Variants in ATP8A2 observed in about 807,000 individuals in gnomAD.
ATP8A2 encodes phospholipid-transporting ATPase IB.
ATP8A2 carries 100 observed loss-of-function variants against 165.6 expected under a neutral mutation model. That is an observed-to-expected ratio of 0.60 (90% confidence interval 0.51 to 0.71). The LOEUF (loss-of-function observed/expected upper bound fraction) is 0.71. ATP8A2 is among the 30% of genes least tolerant of loss of function. The pLI is 0.00. For missense variants in ATP8A2, 1,227 were observed against 1,479.5 expected (o/e 0.83, Z 2.80); for synonymous variants, 543 against 548.8 (o/e 0.99, Z 0.15).
chr13:25,961,479 G>T, intron 33 of ATP8A2, 96 bp from the exon 34 acceptor site: 1 of 1,070,154 alleles, frequency 9.3e-7, no homozygotes, highest in South Asian at 1.4e-5. Flanking sequence ...GCGGTCTGTT[G>T]TTTTTGTGTT....
At chr13:25,465,571 T>TG (rs1194149567) in intron 1 of ATP8A2, among the ~76,000 whole-genome samples, 1 of 151,136 alleles carries the variant, frequency 6.6e-6, no homozygotes, top group Non-Finnish European at 1.5e-5. Context: ...TTTTTTTTTT[T>TG]GTCCCAGTCT....
chr13:25,428,341 C>T (rs769611182), intron 1 of ATP8A2, among the ~76,000 whole-genome samples: 7 of 152,264 alleles, frequency 4.6e-5, no homozygotes, highest in Non-Finnish European at 8.8e-5. Context: ...ATTACCACAC[C>T]GACCACTACT....
At chr13:25,548,175 A>G (rs986377336) in intron 10 of ATP8A2, among the ~76,000 whole-genome samples, 2 of 152,168 alleles carry the variant, frequency 1.3e-5, no homozygotes, top group African/African-American at 4.8e-5. Context: ...GCAGTGATCC[A>G]TGATCACGCC....
intron 25 of ATP8A2, among the ~76,000 whole-genome samples, chr13:25,721,531 G>A (rs2043381318): frequency 6.6e-6 from 1 of 152,192 alleles, no homozygotes; most frequent in South Asian, 2.1e-4. Flanking sequence ...TGAATGCTGA[G>A]AGATAGGCCC....
intron 34 of ATP8A2, among the ~76,000 whole-genome samples, chr13:25,962,271 G>T (rs2139188216): frequency 6.6e-6 from 1 of 152,240 alleles, no homozygotes; most frequent in East Asian, 1.9e-4. Flanking sequence ...GTATAGGTAA[G>T]TCATTTAAAA....
At chr13:25,723,559 T>C (rs2043429749) in intron 25 of ATP8A2, among the ~76,000 whole-genome samples, 1 of 152,198 alleles carries the variant, frequency 6.6e-6, no homozygotes, top group African/African-American at 2.4e-5. Context: ...TTAAACATCA[T>C]CTAGCCAGAT....
chr13:25,532,361 GA>G, intron 5 of ATP8A2, 44 bp downstream of exon 5: 1 of 1,404,360 alleles, frequency 7.1e-7, no homozygotes, highest in Non-Finnish European at 1.0e-6. Flanking sequence ...GAAAACTTAA[GA>G]ATAAGGCCTG....
At chr13:25,506,418 T>G (rs944675456) in intron 2 of ATP8A2, among the ~76,000 whole-genome samples, 2 of 152,240 alleles carry the variant, frequency 1.3e-5, no homozygotes, top group Non-Finnish European at 2.9e-5. Context: ...ATGTACCATC[T>G]GGCTGGCCTC....
chr13:26,025,768 T>C lies in ATP8A2; in HGVS notation c.*5783T>C, dbSNP rs544534684. 3.3e-4 allele frequency: 50 copies of C among 152,354 alleles called. No homozygotes were observed. Among genetic ancestry groups the C allele is most frequent in the African/African-American group, 1.2e-3 (48 of 41,566 alleles). The allele number at this position is 152,354 out of a possible 1,614,324, so 9.4% of individuals were successfully genotyped here. Reference sequence around the variant, plus strand: ...GTATTTTTAGAAGTTTTGGGAGAATTTAGTGATTTGTGGCTTTGATCAATC... The same window carrying C: ...GTATTTTTAGAAGTTTTGGGAGAATCTAGTGATTTGTGGCTTTGATCAATC... On this transcript the variant is annotated 3_prime_UTR_variant, in exon 37 of 37. Transcript: ENST00000381655.
intron 1 of ATP8A2, among the ~76,000 whole-genome samples, chr13:25,398,546 C>T (rs1382047584): frequency 6.6e-6 from 1 of 152,148 alleles, no homozygotes; most frequent in Non-Finnish European, 1.5e-5. Flanking sequence ...TCACTGTGGG[C>T]CATCTGGTGC....
At chr13:25,488,717 C>T (rs1045865033) in intron 2 of ATP8A2, among the ~76,000 whole-genome samples, 2 of 152,104 alleles carry the variant, frequency 1.3e-5, no homozygotes, top group Non-Finnish European at 2.9e-5. Flanking sequence ...AAGAAAAAAA[C>T]CAAAAGCAGT....
At chr13:25,896,160 G>A (rs183992772) in intron 33 of ATP8A2, among the ~76,000 whole-genome samples, 314 of 152,216 alleles carry the variant, frequency 2.1e-3, no homozygotes, top group African/African-American at 7.3e-3. Context: ...GCTTTCTCTT[G>A]TGGGCATTTA....
intron 25 of ATP8A2, among the ~76,000 whole-genome samples, chr13:25,758,898 G>C (rs968923028): frequency 1.3e-5 from 2 of 152,182 alleles, no homozygotes. Flanking sequence ...GTTTTAGAAG[G>C]TGTGTATGCT....
chr13:25,570,587 C>T (rs1384948376), intron 16 of ATP8A2, among the ~76,000 whole-genome samples, 180 bp from the exon 17 acceptor site: 1 of 152,118 alleles, frequency 6.6e-6, no homozygotes. Flanking sequence ...TCAGGAGAAC[C>T]GGCTTGGGGA....
At chr13:25,483,687 G>A (rs1200760732) in intron 2 of ATP8A2, among the ~76,000 whole-genome samples, 2 of 152,166 alleles carry the variant, frequency 1.3e-5, no homozygotes, top group Non-Finnish European at 2.9e-5. Context: ...GATTGTTTGA[G>A]GCTAGGAGTT....
At chr13:25,882,952 G>A (rs1953029170) in intron 33 of ATP8A2, among the ~76,000 whole-genome samples, 1 of 152,020 alleles carries the variant, frequency 6.6e-6, no homozygotes, top group Non-Finnish European at 1.5e-5. Context: ...TGATGGTGAT[G>A]ATGGTGATGG....
At chr13:25,830,560 G>A (rs1031549177) in intron 28 of ATP8A2, among the ~76,000 whole-genome samples, 2 of 152,130 alleles carry the variant, frequency 1.3e-5, no homozygotes, top group Admixed American at 6.5e-5. Context: ...GCTCATACTG[G>A]AGGGGCCAAA....
At chr13:25,855,928 A>G (rs1403383605) in intron 30 of ATP8A2, among the ~76,000 whole-genome samples, 3 of 152,226 alleles carry the variant, frequency 2.0e-5, no homozygotes, top group Non-Finnish European at 2.9e-5. Context: ...TCATGCACTT[A>G]CTGGCCATTT....
rs1406179621 is a variant in ATP8A2 at position 26,010,470 on chromosome 13, TACCCTGGGGCCAGGCAGGGTGAGGG to T, written c.3378-2060_3378-2036del. ...CCATGTGGGGCCTGGCTGGTGAGGC[TACCCTGGGGCCAGGCAGGGTGAGGG>T]GCCCCCTCTGCACACAGTGCCCTTT... On this transcript the variant is annotated intron_variant, in intron 35 of 36. Coordinates refer to ENST00000381655, the MANE Select transcript of ATP8A2 (RefSeq NM_016529.6). Among the ~76,000 whole-genome samples the T allele has an allele frequency of 3.3e-5, 5 of 152,238 alleles. No individual in the cohort carries two copies. In the East Asian group the frequency reaches 9.6e-4, roughly 29 times the overall value.
Sources: gnomAD v4.1 joint callset for allele counts (sites outside exome capture counted in the v4.1 genomes callset) on GRCh38, gnomAD v4.1.1 for gene constraint, MANE v1.5 for transcripts, NCBI Gene and HGNC (gene_info 2026-07-23, HGNC 2026-07-21) for gene names.